RGSL1: variants seen among roughly 807,000 people sequenced by gnomAD.
RGSL1 encodes regulator of G protein signaling like 1, also known as regulator of G protein signaling protein-like.
In RGSL1, 97 loss-of-function variants were observed where a neutral mutation model predicts 124.7. The ratio of observed to expected loss-of-function variants is 0.78; its 90% CI spans 0.66 to 0.92. The LOEUF is 0.92. RGSL1 is among the 40% of genes least tolerant of loss of function. The probability of loss-of-function intolerance (pLI) is 0.00; values close to 1 mark genes in which losing one functional copy is unlikely to be tolerated. For synonymous variants in RGSL1, 424 were observed against 438.1 expected (o/e 0.97, Z 0.40); for missense variants, 1,233 against 1,288.4 (o/e 0.96, Z 0.66).
intron 10 of RGSL1, among the ~76,000 whole-genome samples, chr1:182,524,629 T>C (rs928232064): frequency 6.6e-5 from 10 of 152,348 alleles, no homozygotes; most frequent in Non-Finnish European, 7.3e-5. Flanking sequence ...ATCTGTGGCA[T>C]AGTAACTTCT....
intron 14 of RGSL1, among the ~76,000 whole-genome samples, chr1:182,535,602 C>T (rs768695039): frequency 1.3e-5 from 2 of 152,134 alleles, no homozygotes; most frequent in Admixed American, 6.5e-5. Context: ...ATTACTCAAT[C>T]GGCACCAAAT....
chr1:182,502,968 C>G (rs1010566668), intron 9 of RGSL1, among the ~76,000 whole-genome samples: 1 of 152,070 alleles, frequency 6.6e-6, no homozygotes, highest in Non-Finnish European at 1.5e-5. Context: ...TCATCTCACC[C>G]CAGTTAAAAT....
intron 4 of RGSL1, among the ~76,000 whole-genome samples, chr1:182,472,083 T>A (rs1653892437): frequency 6.7e-6 from 1 of 149,814 alleles, no homozygotes; most frequent in African/African-American, 2.5e-5. Context: ...CCAATCTTCA[T>A]TTTTTTTGGA....
intron 9 of RGSL1, among the ~76,000 whole-genome samples, chr1:182,517,800 T>C (rs919944788): frequency 1.3e-5 from 2 of 152,212 alleles, no homozygotes; most frequent in African/African-American, 4.8e-5. Flanking sequence ...ATCTTGGAGA[T>C]CACTGAGTTT....
intron 17 of RGSL1, 145 bp downstream of exon 17, chr1:182,548,969 C>T (rs1660397637): frequency 5.2e-6 from 5 of 969,092 alleles, no homozygotes; most frequent in Non-Finnish European, 7.4e-6. Flanking sequence ...ATCCTATTCA[C>T]CTCACTCCAT....
chr1:182,475,448 G>A (rs1010677969), intron 6 of RGSL1, among the ~76,000 whole-genome samples: 3 of 152,122 alleles, frequency 2.0e-5, no homozygotes, highest in Non-Finnish European at 2.9e-5. Flanking sequence ...GTGGTGCAGT[G>A]GGGCAACCAC....
chr1:182,560,081 G>T (rs1018094192), intron 21 of RGSL1, among the ~76,000 whole-genome samples, 198 bp from the exon 22 acceptor site: 1 of 152,206 alleles, frequency 6.6e-6, no homozygotes, highest in Non-Finnish European at 1.5e-5. Context: ...TGCTGGAAAC[G>T]CAGTGGAGAA....
At chr1:182,513,235 C>G (rs1558350089) in intron 9 of RGSL1, among the ~76,000 whole-genome samples, 1 of 152,220 alleles carries the variant, frequency 6.6e-6, no homozygotes, top group African/African-American at 2.4e-5. Context: ...TTCCTGCTGA[C>G]AGGGGGCATT....
At chr1:182,534,552 G>A (rs750292317) in intron 14 of RGSL1, among the ~76,000 whole-genome samples, 1 of 152,144 alleles carries the variant, frequency 6.6e-6, no homozygotes, top group Non-Finnish European at 1.5e-5. Context: ...AGCAGGCTGG[G>A]CACGGTGGCT....
intron 4 of RGSL1, among the ~76,000 whole-genome samples, chr1:182,469,578 C>T (rs1221383929): frequency 6.6e-6 from 1 of 152,066 alleles, no homozygotes; most frequent in Non-Finnish European, 1.5e-5. Flanking sequence ...ATGGTACAAA[C>T]TGTGGAAAAT....
chr1:182,531,415 C>A (rs1039520220), intron 13 of RGSL1, among the ~76,000 whole-genome samples: 2 of 152,100 alleles, frequency 1.3e-5, no homozygotes, highest in African/African-American at 2.4e-5. Context: ...AAAGAGGGGA[C>A]AGGAATGTTA....
At chr1:182,503,136 C>T (rs1422071012) in intron 9 of RGSL1, among the ~76,000 whole-genome samples, 1 of 152,160 alleles carries the variant, frequency 6.6e-6, no homozygotes, top group Non-Finnish European at 1.5e-5. Context: ...ATCATATGAT[C>T]CAGCAACCCC....
intron 3 of RGSL1, among the ~76,000 whole-genome samples, chr1:182,459,082 T>G (rs561976605): frequency 6.6e-6 from 1 of 152,286 alleles, no homozygotes; most frequent in African/African-American, 2.4e-5. Flanking sequence ...TGACTGGCAA[T>G]GTCTGCAATG....
chr1:182,473,619 A>G lies in RGSL1; in HGVS notation c.508A>G (p.Thr170Ala), dbSNP rs1467499096. ...CATCTGGCATCCCAACCAATCAACC[A>G]CTAGGAGGGAGATCCTGAGCCACAT... ...LSIWHPNQSTTRREILSHMQK... is the reference protein window; with the variant it reads ...LSIWHPNQSTARREILSHMQK... Residue 170 changes from threonine to alanine, a missense_variant, in exon 6 of 22, where the codon ACT becomes GCT. Thr to Ala is a moderately conservative substitution (Grantham distance 58). Transcript: ENST00000294854. The G allele has an allele frequency of 2.5e-5, 39 of 1,550,572 alleles. No homozygotes were observed. The highest frequency in any genetic ancestry group is 3.3e-5 in the Non-Finnish European group (38 of 1,146,464).
intron 4 of RGSL1, among the ~76,000 whole-genome samples, chr1:182,464,984 G>C (rs1439771679): frequency 6.6e-6 from 1 of 151,072 alleles, no homozygotes; most frequent in East Asian, 1.9e-4. Context: ...GCTGAGGAAC[G>C]AGGATTGCTT....
intron 6 of RGSL1, among the ~76,000 whole-genome samples, chr1:182,480,645 G>A (rs1023266365): frequency 3.3e-5 from 5 of 151,812 alleles, no homozygotes; most frequent in Admixed American, 2.0e-4. Context: ...TCTTAGAGAC[G>A]GGGTTTCACC....
Position 182,548,507 on chromosome 1 carries a change from C to T in RGSL1, c.2808+52C>T, listed in dbSNP as rs10911094. On this transcript the variant is annotated intron_variant, in intron 16 of 21. Transcript: ENST00000294854. ...GCCTTTCACCAAGAAGCATTTCCCC[C>T]ACAAGGACAATTAGAAAGCTAATTG... The T allele has an allele frequency of 2.6e-6, 4 of 1,546,326 alleles. No homozygotes were observed. In the African/African-American group the frequency reaches 5.5e-5, roughly 21 times the overall value.
intron 15 of RGSL1, among the ~76,000 whole-genome samples, chr1:182,543,242 T>C (rs1660002384): frequency 6.6e-6 from 1 of 152,180 alleles, no homozygotes; most frequent in Non-Finnish European, 1.5e-5. Context: ...ACCCAATTTG[T>C]TGATGGTTTT....
Position 182,474,506 on chromosome 1 carries a change from C to T in RGSL1, c.1395C>T (p.Ile465=). ...LKELLPSGDV[I]PWIPKAQKEI... ...AACTATTGCCCTCTGGGGATGTGAT[C>T]CCCTGGATTCCCAAAGCCCAGAAGG... Residue 465 remains isoleucine (I), a synonymous_variant, in exon 6 of 22, where the codon ATC becomes ATT. Coordinates refer to ENST00000294854, the MANE Select transcript of RGSL1 (RefSeq NM_001137669.2). 1.9e-6 allele frequency: 3 copies of T among 1,546,576 alleles called. No individual in the cohort carries two copies. Among genetic ancestry groups the T allele is most frequent in the Non-Finnish European group, 2.6e-6 (3 of 1,142,776 alleles).
Sources: gnomAD v4.1 joint callset for allele counts (sites outside exome capture counted in the v4.1 genomes callset) on GRCh38, gnomAD v4.1.1 for gene constraint, MANE v1.5 for transcripts, NCBI Gene and HGNC (gene_info 2026-07-23, HGNC 2026-07-21) for gene names.